The following CEP63 variants were observed in gnomAD, a reference collection of about 807,000 sequenced individuals.
The protein encoded by CEP63 is centrosomal protein 63, also known as centrosomal protein of 63 kDa.
CEP63 carries 84 observed loss-of-function variants against 89.1 expected under a neutral mutation model. The ratio of observed to expected loss-of-function variants is 0.94; its 90% CI spans 0.79 to 1.13. The LOEUF is 1.13. Among genes scored for constraint, CEP63 ranks in the 50% most tolerant of loss-of-function variants. The probability of loss-of-function intolerance (pLI) is 0.00; values close to 1 mark genes in which losing one functional copy is unlikely to be tolerated. For missense variants in CEP63, 838 were observed against 813.3 expected, an observed-to-expected ratio of 1.03 and a Z score of -0.37; for synonymous variants, 267 against 272.5, an observed-to-expected ratio of 0.98 and a Z score of 0.20.
the CEP63 span, among the ~76,000 whole-genome samples, chr3:134,605,445 A>T: frequency 6.6e-6 from 1 of 152,174 alleles, no homozygotes; most frequent in Non-Finnish European, 1.5e-5. Flanking sequence ...GGGAGGCAGA[A>T]CACTGTGCCT....
the CEP63 span, among the ~76,000 whole-genome samples, chr3:134,594,084 G>A: frequency 6.6e-6 from 1 of 152,170 alleles, no homozygotes; most frequent in Non-Finnish European, 1.5e-5. Flanking sequence ...GATCTCCTTG[G>A]TGTTCACATA....
chr3:134,558,244 A>G lies in CEP63; in HGVS notation c.1570A>G (p.Lys524Glu). The part of the protein sequence containing the change: ...QQLQKDLMNT[K>E]SQLEISTQMC... ...ACTACAGAAAGATTTGATGAATACC[A>G]AATCTCAGCTGGAGATTTCTACTCA... is the stretch of plus-strand genomic sequence containing the variant. The change falls in exon 13 of 15, where the codon AAA (lysine) becomes GAA (glutamate). Residue 524 changes from lysine (K) to glutamate (E), a missense_variant. Lys to Glu is a moderately conservative substitution (Grantham distance 56). Transcript: ENST00000675561. The G allele has an allele frequency of 6.2e-7, 1 of 1,613,802 alleles. No homozygotes were observed. Among genetic ancestry groups the G allele is most frequent in the Non-Finnish European group, 8.5e-7 (1 of 1,179,740 alleles).
chr3:134,779,555 C>T, the CEP63 span, among the ~76,000 whole-genome samples: 1 of 152,168 alleles, frequency 6.6e-6, no homozygotes, highest in South Asian at 2.1e-4. Flanking sequence ...AAATCATTTT[C>T]CCCATCTTAC....
At chr3:134,762,019 G>A in the CEP63 span, among the ~76,000 whole-genome samples, 1 of 152,160 alleles carries the variant, frequency 6.6e-6, no homozygotes, top group Non-Finnish European at 1.5e-5. Flanking sequence ...TTTGTAGCTT[G>A]TTGGGCAGAA....
chr3:134,493,679 G>A (rs1431697033), intron 1 of CEP63, among the ~76,000 whole-genome samples: 2 of 151,992 alleles, frequency 1.3e-5, no homozygotes, highest in East Asian at 1.9e-4. Flanking sequence ...AACACCCTGG[G>A]CATGTCTCTC....
chr3:134,578,322 G>GTTTTTTTTTTTTTTTTT (rs71139542), downstream of CEP63, among the ~76,000 whole-genome samples: 2 of 62,110 alleles, frequency 3.2e-5, no homozygotes, highest in African/African-American at 6.2e-5. Context: ...TCTGACTTGT[G>GTTTTTTTTTTTTTTTTT]TTTTTTTTTT....
chr3:134,593,368 A>G, the CEP63 span, among the ~76,000 whole-genome samples: 1 of 152,206 alleles, frequency 6.6e-6, no homozygotes, highest in African/African-American at 2.4e-5. Flanking sequence ...TTTAATCCCC[A>G]TAAGAAGTGT....
the CEP63 span, chr3:134,643,332 A>T: frequency 4.3e-6 from 7 of 1,613,950 alleles, 1 homozygote; most frequent in South Asian, 7.7e-5. Context: ...TGTTGTAGGA[A>T]GTGATGACCT....
the CEP63 span, among the ~76,000 whole-genome samples, chr3:134,753,505 C>G: frequency 6.6e-6 from 1 of 152,208 alleles, no homozygotes; most frequent in African/African-American, 2.4e-5. Flanking sequence ...AGCTGGAAAA[C>G]TGGCATAAAG....
the CEP63 span, among the ~76,000 whole-genome samples, chr3:134,616,329 AG>A: frequency 6.6e-6 from 1 of 152,222 alleles, no homozygotes; most frequent in Non-Finnish European, 1.5e-5. Flanking sequence ...GTCTTTAATG[AG>A]ACAATTTCAG....
chr3:134,654,008 G>A, the CEP63 span, among the ~76,000 whole-genome samples: 1 of 152,178 alleles, frequency 6.6e-6, no homozygotes, highest in African/African-American at 2.4e-5. Context: ...CCATTCTTGA[G>A]CAAAACTTTA....
the CEP63 span, among the ~76,000 whole-genome samples, chr3:134,756,732 A>G: frequency 6.6e-6 from 1 of 152,040 alleles, no homozygotes; most frequent in Non-Finnish European, 1.5e-5. Flanking sequence ...TATCTAATAC[A>G]TTTGAGAAAC....
the CEP63 span, among the ~76,000 whole-genome samples, chr3:134,618,638 T>C: frequency 4.6e-5 from 7 of 151,268 alleles, no homozygotes; most frequent in Admixed American, 1.3e-4. Flanking sequence ...CCTGGCCATA[T>C]GCCCACTCCC....
chr3:134,727,726 T>G, the CEP63 span, among the ~76,000 whole-genome samples: 1 of 152,204 alleles, frequency 6.6e-6, no homozygotes, highest in Non-Finnish European at 1.5e-5. Context: ...ATGTCTAGGA[T>G]TTGCCTAAAA....
At chr3:134,631,909 A>G in the CEP63 span, among the ~76,000 whole-genome samples, 1 of 152,158 alleles carries the variant, frequency 6.6e-6, no homozygotes, top group Non-Finnish European at 1.5e-5. Flanking sequence ...GGGTGAATAC[A>G]TAAGATTAAA....
chr3:134,521,957 T>A (rs1947552699), intron 3 of CEP63, among the ~76,000 whole-genome samples: 1 of 152,308 alleles, frequency 6.6e-6, no homozygotes, highest in South Asian at 2.1e-4. Context: ...AGTGTGCAAA[T>A]GACATTTCAG....
the CEP63 span, among the ~76,000 whole-genome samples, chr3:134,769,358 A>G: frequency 6.6e-6 from 1 of 152,134 alleles, no homozygotes; most frequent in African/African-American, 2.4e-5. Context: ...AACTCTGGTG[A>G]TCATTCCTGT....
chr3:134,630,051 C>T, the CEP63 span, among the ~76,000 whole-genome samples: 1 of 152,130 alleles, frequency 6.6e-6, no homozygotes, highest in Admixed American at 6.5e-5. Flanking sequence ...GTGAATTTAC[C>T]ATTCTTCTTT....
the CEP63 span, among the ~76,000 whole-genome samples, chr3:134,701,315 T>TGTATATATACGTATATATAC: frequency 1.5e-5 from 1 of 65,764 alleles, no homozygotes; most frequent in African/African-American, 3.4e-5. Flanking sequence ...CGTATATATG[T>TGTATATATACGTATATATAC]GTATATATAC....
Sources: gnomAD v4.1 joint callset for allele counts (sites outside exome capture counted in the v4.1 genomes callset) on GRCh38, gnomAD v4.1.1 for gene constraint, MANE v1.5 for transcripts, NCBI Gene and HGNC (gene_info 2026-07-23, HGNC 2026-07-21) for gene names.